LOC128092253: variants seen among roughly 807,000 people sequenced by gnomAD.
chr6:133,965,828 T>C, the LOC128092253 span, among the ~76,000 whole-genome samples: 1 of 152,180 alleles, frequency 6.6e-6, no homozygotes, highest in African/African-American at 2.4e-5. Flanking sequence ...AAAGGAGATA[T>C]AATAATAGTA....
chr6:133,956,407 A>G, the LOC128092253 span, among the ~76,000 whole-genome samples: 1 of 152,210 alleles, frequency 6.6e-6, no homozygotes, highest in African/African-American at 2.4e-5. Context: ...ACTTGTAGGT[A>G]GCAGAGAAAT....
At chr6:133,956,748 A>G in the LOC128092253 span, among the ~76,000 whole-genome samples, 2 of 152,236 alleles carry the variant, frequency 1.3e-5, no homozygotes, top group African/African-American at 4.8e-5. Context: ...CATGCAAATT[A>G]CAAGCAGTGA....
the LOC128092253 span, among the ~76,000 whole-genome samples, chr6:133,974,131 CAT>C: frequency 6.6e-6 from 1 of 151,776 alleles, no homozygotes; most frequent in Non-Finnish European, 1.5e-5. Flanking sequence ...CATAATTAGA[CAT>C]ATAATTTTTT....
the LOC128092253 span, among the ~76,000 whole-genome samples, chr6:133,956,959 A>G: frequency 6.6e-6 from 1 of 152,222 alleles, no homozygotes; most frequent in African/African-American, 2.4e-5. Flanking sequence ...ATTATTAACC[A>G]GTCAATCTTT....
the LOC128092253 span, among the ~76,000 whole-genome samples, chr6:133,955,990 GGA>G: frequency 6.6e-6 from 1 of 152,074 alleles, no homozygotes; most frequent in Non-Finnish European, 1.5e-5. Flanking sequence ...GAATGTTTTT[GGA>G]GAGAGTTATT....
At chr6:133,977,424 C>T in the LOC128092253 span, among the ~76,000 whole-genome samples, 97,043 of 151,912 alleles carry the variant, frequency 0.64, 31,913 homozygotes, top group African/African-American at 0.74. Context: ...TTCTTTACCC[C>T]TTTTTTTCTT....
At chr6:133,963,766 C>T in the LOC128092253 span, among the ~76,000 whole-genome samples, 4 of 151,576 alleles carry the variant, frequency 2.6e-5, no homozygotes, top group Admixed American at 2.6e-4. Flanking sequence ...CGCGGTGGCT[C>T]ACGCCTGTAA....
the LOC128092253 span, among the ~76,000 whole-genome samples, chr6:133,973,614 G>T: frequency 6.6e-6 from 1 of 152,164 alleles, no homozygotes; most frequent in Admixed American, 6.5e-5. Flanking sequence ...CATTGTAGTT[G>T]CTGGAGTAAT....
chr6:133,969,311 A>G, the LOC128092253 span, among the ~76,000 whole-genome samples: 11,466 of 144,100 alleles, frequency 0.08, 427 homozygotes, highest in Admixed American at 0.088. Context: ...GTTGTTGACT[A>G]ATTTCCATTA....
chr6:133,972,718 A>T, the LOC128092253 span, among the ~76,000 whole-genome samples: 1 of 151,904 alleles, frequency 6.6e-6, no homozygotes, highest in Non-Finnish European at 1.5e-5. Flanking sequence ...TTTTCCCCTC[A>T]TCTGTAACTG....
the LOC128092253 span, among the ~76,000 whole-genome samples, chr6:133,963,265 C>T: frequency 1.4e-3 from 219 of 152,256 alleles, no homozygotes; most frequent in South Asian, 2.3e-3. Context: ...TTTAATTACC[C>T]TATGATGGTG....
the LOC128092253 span, among the ~76,000 whole-genome samples, chr6:133,977,660 A>G: frequency 6.6e-6 from 1 of 152,244 alleles, no homozygotes; most frequent in African/African-American, 2.4e-5. Flanking sequence ...TGCAACAGTT[A>G]GGATTAGGTT....
chr6:133,967,398 G>A, the LOC128092253 span, among the ~76,000 whole-genome samples: 3 of 152,194 alleles, frequency 2.0e-5, no homozygotes, highest in Admixed American at 6.5e-5. Context: ...AGAAATCTTA[G>A]AAGGAAAATG....
the LOC128092253 span, among the ~76,000 whole-genome samples, chr6:133,958,065 G>T: frequency 6.6e-6 from 1 of 152,180 alleles, no homozygotes; most frequent in Non-Finnish European, 1.5e-5. Flanking sequence ...TGTCACACAG[G>T]CATCTGGTTA....
At chr6:133,971,803 A>C in the LOC128092253 span, among the ~76,000 whole-genome samples, 1 of 152,082 alleles carries the variant, frequency 6.6e-6, no homozygotes, top group South Asian at 2.1e-4. Flanking sequence ...GAGTTGGTTG[A>C]ATTTCATATA....
chr6:133,961,914 T>C, the LOC128092253 span, among the ~76,000 whole-genome samples: 1 of 152,204 alleles, frequency 6.6e-6, no homozygotes, highest in Non-Finnish European at 1.5e-5. Context: ...TTTCTTCCAC[T>C]GAAATACAAC....
At chr6:133,970,164 C>G in the LOC128092253 span, among the ~76,000 whole-genome samples, 1 of 152,204 alleles carries the variant, frequency 6.6e-6, no homozygotes, top group African/African-American at 2.4e-5. Context: ...TCAATTGACT[C>G]TGTCAATTTT....
At chr6:133,962,503 T>C in the LOC128092253 span, among the ~76,000 whole-genome samples, 48 of 152,342 alleles carry the variant, frequency 3.2e-4, no homozygotes, top group East Asian at 8.1e-3. Flanking sequence ...CGAGTGTTAA[T>C]TGTGACTCAC....
the LOC128092253 span, among the ~76,000 whole-genome samples, chr6:133,959,930 T>A: frequency 2.2e-4 from 33 of 152,362 alleles, no homozygotes; most frequent in Admixed American, 1.5e-3. Flanking sequence ...TTATAGGGCC[T>A]GTTACTGTTT....
Sources: allele counts gnomAD v4.1 joint callset (sites outside exome capture counted in the v4.1 genomes callset), GRCh38; gene constraint gnomAD v4.1.1; transcripts MANE v1.5.